ZFPM1: variants seen among roughly 807,000 people sequenced by gnomAD.
ZFPM1 encodes the protein zinc finger protein, FOG family member 1.
A neutral mutation model predicts 46.3 loss-of-function variants in ZFPM1; 28 were observed. That is an observed-to-expected ratio of 0.60 (90% CI 0.45 to 0.83). ZFPM1 has a LOEUF of 0.83. ZFPM1 is among the 40% of genes least tolerant of loss of function. ZFPM1 has a pLI of 0.00. For synonymous variants in ZFPM1, 957 were observed against 675.9 expected (o/e 1.42, Z -6.45); for missense variants, 1,878 against 1,432.4 (o/e 1.31, Z -5.02).
Position 88,453,620 on chromosome 16 carries a change from GGC to G in ZFPM1, c.-13_-12del. The G allele has an allele frequency of 9.0e-7, 1 of 1,109,362 alleles. No homozygotes were observed. 68.7% of individuals were successfully genotyped at this position (1,109,362 alleles called of 1,614,324 possible). A position where few individuals can be genotyped will look rare whatever the true frequency, so the allele number is the denominator to read the frequency against. Reference sequence around the variant, plus strand: ...CGGGGCTAGAGGCGGCCGCCGGGAGGGCGCGCGGCGCCGGAGACATGTCCAGG... The same window carrying G: ...CGGGGCTAGAGGCGGCCGCCGGGAGGGCGCGGCGCCGGAGACATGTCCAGG... On this transcript the variant is annotated 5_prime_UTR_variant, in exon 1 of 10. Coordinates refer to ENST00000319555, the MANE Select transcript of ZFPM1 (RefSeq NM_153813.3).
chr16:88,505,525 C>T (rs1910600679), intron 3 of ZFPM1, among the ~76,000 whole-genome samples: 1 of 152,174 alleles, frequency 6.6e-6, no homozygotes, highest in Non-Finnish European at 1.5e-5. Context: ...GTGGTGAGCA[C>T]TCTGGGGACC....
At chr16:88,468,398 A>G (rs556081785) in intron 1 of ZFPM1, among the ~76,000 whole-genome samples, 18 of 152,238 alleles carry the variant, frequency 1.2e-4, no homozygotes, top group African/African-American at 4.1e-4. Flanking sequence ...AAGGCAGCCA[A>G]AAATAAGAAG....
intron 5 of ZFPM1, among the ~76,000 whole-genome samples, chr16:88,527,315 C>T (rs1358607442): frequency 6.6e-6 from 1 of 152,224 alleles, no homozygotes; most frequent in Admixed American, 6.5e-5. Flanking sequence ...TCCATGTCGT[C>T]AGGCTGGCTC....
intron 1 of ZFPM1, among the ~76,000 whole-genome samples, chr16:88,470,472 G>T (rs1182614324): frequency 1.3e-5 from 2 of 152,228 alleles, no homozygotes; most frequent in Non-Finnish European, 2.9e-5. Context: ...TGTTGTTGGG[G>T]GACTGGTGGT....
intron 4 of ZFPM1, among the ~76,000 whole-genome samples, chr16:88,519,034 A>ATGGGTGGG (rs1911576461): frequency 7.6e-6 from 1 of 131,034 alleles, no homozygotes; most frequent in South Asian, 2.8e-4. Context: ...GGGTGGATGG[A>ATGGGTGGG]TGGGTGGATG....
chr16:88,536,299 G>A lies in ZFPM1; in HGVS notation c.*1320G>A, dbSNP rs1913242837. On this transcript the variant is annotated 3_prime_UTR_variant, in exon 10 of 10. Transcript: ENST00000319555. ...CCATCTTCCTGCCTCAGCCTCCCAA[G>A]TAGCTGGGACTACAGGCTTGACCCA... 6.6e-6 allele frequency: 1 copy of A among 152,152 alleles called. No homozygotes were observed. Among genetic ancestry groups the A allele is most frequent in the Non-Finnish European group, 1.5e-5 (1 of 68,032 alleles). The allele number at this position is 152,152 out of a possible 1,614,324, so 9.4% of individuals were successfully genotyped here.
At chr16:88,503,307 G>C (rs1294631496) in intron 3 of ZFPM1, among the ~76,000 whole-genome samples, 2 of 145,072 alleles carry the variant, frequency 1.4e-5, no homozygotes, top group Admixed American at 1.4e-4. Context: ...TGTCTGGGGA[G>C]GGGCCCACGG....
chr16:88,533,512 G>A lies in ZFPM1; in HGVS notation c.1554G>A (p.Leu518=). The A allele has an allele frequency of 1.4e-6, 2 of 1,416,000 alleles. No individual in the cohort carries two copies. The highest frequency in any genetic ancestry group is 9.2e-7 in the Non-Finnish European group (1 of 1,090,160). 87.7% of individuals were successfully genotyped at this position (1,416,000 alleles called of 1,614,324 possible). The change falls in exon 10 of 10, where the codon CTG becomes CTA. Residue 518 remains leucine, a synonymous_variant. Coordinates refer to ENST00000319555, the MANE Select transcript of ZFPM1 (RefSeq NM_153813.3). ...TPGSSPVPGE[L]GLAGALFLPQ... is the part of the protein sequence containing the mutation. Reference sequence around the variant, plus strand: ...GCTCCAGCCCGGTGCCCGGCGAGCTGGGCCTGGCCGGGGCCCTGTTCCTTC... The same window carrying A: ...GCTCCAGCCCGGTGCCCGGCGAGCTAGGCCTGGCCGGGGCCCTGTTCCTTC...
intron 3 of ZFPM1, among the ~76,000 whole-genome samples, chr16:88,511,366 C>A (rs748517574): frequency 1.3e-5 from 2 of 152,118 alleles, no homozygotes; most frequent in Non-Finnish European, 2.9e-5. Flanking sequence ...TCAGCCTCGC[C>A]GGGCCCCAGG....
At chr16:88,496,980 G>C (rs951563245) in intron 3 of ZFPM1, among the ~76,000 whole-genome samples, 1 of 152,112 alleles carries the variant, frequency 6.6e-6, no homozygotes, top group Non-Finnish European at 1.5e-5. Flanking sequence ...TGTGGGTGGG[G>C]GGCTGCCAGG....
intron 1 of ZFPM1, among the ~76,000 whole-genome samples, chr16:88,460,633 G>T (rs143070231): frequency 6.6e-6 from 1 of 152,340 alleles, no homozygotes; most frequent in Non-Finnish European, 1.5e-5. Flanking sequence ...CTCTCAGCCA[G>T]GTGGCCTCAG....
At chr16:88,454,054 A>G (rs942435520) in intron 1 of ZFPM1, among the ~76,000 whole-genome samples, 2 of 152,254 alleles carry the variant, frequency 1.3e-5, no homozygotes, top group Non-Finnish European at 2.9e-5. Context: ...ACATTCTGCA[A>G]GTCCCGTCCT....
chr16:88,519,483 T>G (rs1597272972), intron 4 of ZFPM1, among the ~76,000 whole-genome samples: 1 of 135,314 alleles, frequency 7.4e-6, no homozygotes, highest in South Asian at 2.4e-4. Flanking sequence ...TGGATAGACA[T>G]ATGGGTGGAT....
chr16:88,517,015 G>A (rs1001427321), intron 4 of ZFPM1, among the ~76,000 whole-genome samples: 8 of 152,318 alleles, frequency 5.3e-5, no homozygotes, highest in African/African-American at 1.2e-4. Flanking sequence ...CCGACTTGCC[G>A]TGTGACCTGG....
At chr16:88,455,470 T>G (rs573215533) in intron 1 of ZFPM1, among the ~76,000 whole-genome samples, 260 of 152,142 alleles carry the variant, frequency 1.7e-3, no homozygotes, top group African/African-American at 5.8e-3. Context: ...CCATGGCAGA[T>G]CTCAGCACGT....
At chr16:88,460,723 C>T (rs573156551) in intron 1 of ZFPM1, among the ~76,000 whole-genome samples, 61 of 152,310 alleles carry the variant, frequency 4.0e-4, no homozygotes, top group Non-Finnish European at 8.1e-4. Context: ...GGTAGTCTAA[C>T]AGGGCTGGTA....
At chr16:88,472,473 C>A (rs1317757962) in intron 1 of ZFPM1, among the ~76,000 whole-genome samples, 2 of 151,540 alleles carry the variant, frequency 1.3e-5, no homozygotes, top group African/African-American at 2.4e-5. Flanking sequence ...CCTGCCTCAG[C>A]CTCCTGAGTA....
chr16:88,482,820 G>A (rs921006731), intron 1 of ZFPM1, among the ~76,000 whole-genome samples: 1 of 152,198 alleles, frequency 6.6e-6, no homozygotes, highest in Non-Finnish European at 1.5e-5. Context: ...CTCTAGAAGG[G>A]GGAGGAGCCG....
Position 88,517,495 on chromosome 16 carries a change from G to C in ZFPM1, c.402+2975G>C, listed in dbSNP as rs1016185865. Among the ~76,000 whole-genome samples, 865 of 151,342 alleles carry C rather than the reference G, an allele frequency of 5.7e-3. 9 individuals are homozygous for C. Among genetic ancestry groups the C allele is most frequent in the African/African-American group, 0.02 (835 of 41,210 alleles). Reference sequence around the variant, plus strand: ...GGCTGGGTGGATGGATGGATGGATGGATGGATGGATGGATGGATGGATGGT... The same window carrying C: ...GGCTGGGTGGATGGATGGATGGATGCATGGATGGATGGATGGATGGATGGT... On this transcript the variant is annotated intron_variant, in intron 4 of 9. Coordinates refer to ENST00000319555, the MANE Select transcript of ZFPM1 (RefSeq NM_153813.3).
Sources: allele counts gnomAD v4.1 joint callset (sites outside exome capture counted in the v4.1 genomes callset), GRCh38; gene constraint gnomAD v4.1.1; transcripts MANE v1.5; gene names NCBI Gene and HGNC (gene_info 2026-07-23, HGNC 2026-07-21).